The following CBLB variants were observed in gnomAD, a reference collection of about 807,000 sequenced individuals.
The protein encoded by CBLB is Cbl proto-oncogene B.
A neutral mutation model predicts 104.9 loss-of-function variants in CBLB; 31 were observed. The ratio of observed to expected loss-of-function variants is 0.30; its 90% confidence interval spans 0.22 to 0.40. CBLB has a LOEUF of 0.40. Ranked by LOEUF, CBLB falls within the 10% of genes least tolerant of loss-of-function variation. CBLB has a pLI of 1.00. For missense variants in CBLB, 1,062 were observed against 1,214.6 expected (o/e 0.87, Z 1.87); for synonymous variants, 440 against 422.6 (o/e 1.04, Z -0.51).
rs1297879573 is a variant in CBLB at position 105,670,347 on chromosome 3, A to G, written c.2575T>C (p.Phe859Leu). The change falls in exon 18 of 19, where the codon TTT (phenylalanine) becomes CTT (leucine). Residue 859 changes from phenylalanine (F) to leucine (L), a missense_variant. Physicochemically the swap from Phe to Leu is conservative, Grantham distance 22 (BLOSUM62 0). Transcript: ENST00000394030. ...ACTTGGCCACTTGCTAGATCAACAA[A>G]GGGATCTTAAAAATAAAAACAAGTT... Reference protein sequence around the residue: ...QDLFLLPSDPFVDLASGQVPL... With the variant: ...QDLFLLPSDPLVDLASGQVPL... 7 of 1,610,732 alleles carry G rather than the reference A, an allele frequency of 4.3e-6. No individual in the cohort carries two copies. Among genetic ancestry groups the G allele is most frequent in the Non-Finnish European group, 5.9e-6 (7 of 1,177,492 alleles).
Position 105,780,655 on chromosome 3 carries a change from T to TG in CBLB, c.420-4114_420-4113insC, listed in dbSNP as rs2080098023. Reference sequence around the variant, plus strand: ...AATAATTTTACAATAAAAGTTTTGTTTTTTGTTTTTTTTTTTTTTTTTTTT... The same window carrying TG: ...AATAATTTTACAATAAAAGTTTTGTTGTTTTGTTTTTTTTTTTTTTTTTTTT... On this transcript the variant is annotated intron_variant, in intron 3 of 18. Coordinates refer to ENST00000394030, the MANE Select transcript of CBLB (RefSeq NM_170662.5). Among the ~76,000 whole-genome samples the TG allele has an allele frequency of 5.3e-5, 5 of 94,532 alleles. No homozygotes were observed. The Admixed American group carries it at 7.6e-4, about 14-fold the overall frequency. The allele number at this position is 94,532 out of a possible 152,430, so 62.0% of individuals were successfully genotyped here.
At position 105,678,590 on chromosome 3, in the gene CBLB, C is replaced by A. The variant is rs535066918; in HGVS notation, c.2429-19G>T. 5.0e-6 allele frequency: 8 copies of A among 1,608,540 alleles called. No homozygotes were observed. In the Admixed American group the frequency reaches 8.4e-5, roughly 17 times the overall value. ...TCTTCACCTGCATTTAAAGAAAGGT[C>A]GATATCAGCAGCAGAACTTCATTAA... On this transcript the variant is annotated intron_variant, in intron 16 of 18. Transcript: ENST00000394030.
chr3:105,839,235 T>C (rs969440240), intron 3 of CBLB, among the ~76,000 whole-genome samples: 3 of 152,166 alleles, frequency 2.0e-5, no homozygotes, highest in African/African-American at 7.2e-5. Flanking sequence ...ATCTGATCCA[T>C]GGAAAATGCA....
chr3:105,678,448 A>G lies in CBLB; in HGVS notation c.2552T>C (p.Leu851Pro), dbSNP rs34510610. Residue 851 changes from leucine to proline, a missense_variant, in exon 17 of 19, where the codon CTT becomes CCT. Leu to Pro is a moderately conservative substitution (Grantham distance 98). Around this residue, in one of 2 missense-constraint regions of CBLB, gnomAD observed 605 missense variants for 582.6 expected, o/e 1.04. Transcript: ENST00000394030. ...SSSRPSSGQDLFLLPSDPFVD... is the reference protein window; with the variant it reads ...SSSRPSSGQDPFLLPSDPFVD... ...CCTCCTACCTGAAGGAAGAAGAAAA[A>G]GATCCTGTCCTGAGGATGGCCGGCT... 1.7e-5 allele frequency: 27 copies of G among 1,614,090 alleles called. No homozygotes were observed. In the African/African-American group the frequency reaches 3.3e-4, roughly 20 times the overall value.
At chr3:105,801,463 G>T (rs1208671223) in intron 3 of CBLB, among the ~76,000 whole-genome samples, 1 of 152,146 alleles carries the variant, frequency 6.6e-6, no homozygotes, top group Non-Finnish European at 1.5e-5. Flanking sequence ...TCTAACAAAT[G>T]GCTAGTCAAA....
chr3:105,748,030 CAT>C (rs2076272357), intron 5 of CBLB, among the ~76,000 whole-genome samples: 1 of 152,090 alleles, frequency 6.6e-6, no homozygotes, highest in African/African-American at 2.4e-5. Context: ...AAAACAGAAA[CAT>C]GTAGTACTTA....
chr3:105,824,828 G>A (rs62263170), intron 3 of CBLB, among the ~76,000 whole-genome samples: 10,461 of 151,986 alleles, frequency 0.069, 530 homozygotes, highest in Admixed American at 0.15. Context: ...CACTGAGAAG[G>A]AGACCTCATC....
At chr3:105,850,717 G>A (rs2090833295) in intron 3 of CBLB, among the ~76,000 whole-genome samples, 1 of 152,194 alleles carries the variant, frequency 6.6e-6, no homozygotes, top group Non-Finnish European at 1.5e-5. Flanking sequence ...TTTGGTTGAT[G>A]TCAATTCAGT....
intron 7 of CBLB, among the ~76,000 whole-genome samples, chr3:105,737,657 T>A (rs1271522274): frequency 6.6e-6 from 1 of 152,154 alleles, no homozygotes; most frequent in East Asian, 1.9e-4. Context: ...TTTTACACCA[T>A]GCCTAATACC....
chr3:105,687,640 T>C (rs1424138223), intron 13 of CBLB, among the ~76,000 whole-genome samples: 2 of 152,068 alleles, frequency 1.3e-5, no homozygotes, highest in Non-Finnish European at 2.9e-5. Flanking sequence ...TTTATCACCA[T>C]TTTAATAAAG....
intron 9 of CBLB, among the ~76,000 whole-genome samples, chr3:105,729,850 A>G (rs1193661495): frequency 6.6e-6 from 1 of 152,108 alleles, no homozygotes; most frequent in Non-Finnish European, 1.5e-5. Flanking sequence ...GGCATTTTGC[A>G]ATAACATATT....
chr3:105,713,359 T>C (rs528465551), intron 10 of CBLB, among the ~76,000 whole-genome samples: 2 of 147,706 alleles, frequency 1.4e-5, no homozygotes, highest in South Asian at 4.4e-4. Context: ...CTTAAGAATA[T>C]AACAATTAAG....
At chr3:105,706,686 T>A (rs866236534) in intron 10 of CBLB, among the ~76,000 whole-genome samples, 21 of 152,196 alleles carry the variant, frequency 1.4e-4, no homozygotes, top group African/African-American at 5.1e-4. Context: ...CTAGAAAAGC[T>A]ATTACCTGAA....
chr3:105,786,649 C>CA (rs2081063786), intron 3 of CBLB, among the ~76,000 whole-genome samples: 1 of 152,148 alleles, frequency 6.6e-6, no homozygotes, highest in South Asian at 2.1e-4. Context: ...AAAAACCAGA[C>CA]AACAGAAAGC....
intron 13 of CBLB, 103 bp downstream of exon 13, chr3:105,693,391 G>A (rs896297856): frequency 1.4e-5 from 10 of 734,584 alleles, no homozygotes; most frequent in Non-Finnish European, 2.2e-5. Context: ...TACTATCAAT[G>A]ACTTTCTATT....
chr3:105,755,596 C>T (rs561959456), intron 4 of CBLB, among the ~76,000 whole-genome samples: 49 of 151,562 alleles, frequency 3.2e-4, no homozygotes, highest in African/African-American at 1.2e-3. Flanking sequence ...AAATGAAAAA[C>T]ATTTCATACA....
At chr3:105,754,527 G>GAA (rs1355307539) in intron 4 of CBLB, among the ~76,000 whole-genome samples, 1 of 23,398 alleles carries the variant, frequency 4.3e-5, no homozygotes, top group Non-Finnish European at 1.4e-4. Context: ...GAGAGACAGA[G>GAA]AGAGAGAGAG....
At position 105,702,187 on chromosome 3, in the gene CBLB, A is replaced by T. The variant is rs1217291617; in HGVS notation, c.1866T>A (p.Ser622Arg). ...EGSPKPGITA[S>R]SNVNGRHSRV... ...TACTGTGCCTTCCATTGACATTTGA[A>T]CTCGCTGTGATTCCAGGTTTTGGAG... Residue 622 changes from serine (S) to arginine (R), a missense_variant, in exon 12 of 19, where the codon AGT (serine) becomes AGA (arginine). By Grantham distance (110) the Ser-to-Arg change is moderately radical (BLOSUM62 -1). This residue lies in a region of CBLB where 605 missense variants were observed against 582.6 expected (regional missense o/e 1.04). Transcript: ENST00000394030. The T allele has an allele frequency of 4.3e-6, 7 of 1,613,920 alleles. No individual in the cohort carries two copies. In the South Asian group the frequency reaches 6.6e-5, roughly 15 times the overall value.
In CBLB at chr3:105,677,830, AAAT is replaced by A. The variant is rs562118848; in HGVS notation, c.2569+598_2569+600del. On this transcript the variant is annotated intron_variant, in intron 17 of 18. Coordinates refer to ENST00000394030, the MANE Select transcript of CBLB (RefSeq NM_170662.5). Reference sequence around the variant, plus strand: ...AATATTATATAATATATACATATGTAAATAATAATATTAAATAGTTACTAAGAA... The same window carrying A: ...AATATTATATAATATATACATATGTAAATAATATTAAATAGTTACTAAGAA... 3.5e-4 allele frequency among the ~76,000 whole-genome samples: 52 copies of A among 149,366 alleles called. 1 individual carries two copies. The South Asian group carries it at 9.8e-3, about 28-fold the overall frequency.
Sources: gnomAD v4.1 joint callset for allele counts (sites outside exome capture counted in the v4.1 genomes callset) on GRCh38, gnomAD v4.1.1 for gene constraint, gnomAD v4.1.1 regional missense constraint, MANE v1.5 for transcripts, NCBI Gene and HGNC (gene_info 2026-07-23, HGNC 2026-07-21) for gene names.